Variants in HDAC9 observed in about 807,000 individuals in gnomAD.
HDAC9 encodes the protein MEF-2 interacting transcription repressor (MITR) protein.
HDAC9 carries 41 observed loss-of-function variants against 139.4 expected under a neutral mutation model. The ratio of observed to expected loss-of-function variants is 0.29; its 90% confidence interval spans 0.23 to 0.38. The LOEUF (loss-of-function observed/expected upper bound fraction) is 0.38. Ranked by LOEUF, HDAC9 falls within the 10% of genes least tolerant of loss-of-function variation. The probability of loss-of-function intolerance (pLI) is 1.00; values close to 1 mark genes in which losing one functional copy is unlikely to be tolerated. For synonymous variants in HDAC9, 517 were observed against 476.2 expected, an observed-to-expected ratio of 1.09 and a Z score of -1.12; for missense variants, 1,147 against 1,297.0, an observed-to-expected ratio of 0.88 and a Z score of 1.78.
intron 2 of HDAC9, among the ~76,000 whole-genome samples, chr7:18,189,918 GTGGT>G (rs145492918): frequency 6.1e-4 from 86 of 141,842 alleles, no homozygotes; most frequent in Non-Finnish European, 7.7e-4. Flanking sequence ...TAACTTGTGT[GTGGT>G]GTGTGTGTGT....
chr7:18,339,619 A>G (rs7804432), intron 1 of HDAC9, among the ~76,000 whole-genome samples: 2,454 of 151,544 alleles, frequency 0.016, 67 homozygotes, highest in African/African-American at 0.056. Flanking sequence ...AAAATAACAT[A>G]TTTCCTATTT....
intron 2 of HDAC9, among the ~76,000 whole-genome samples, chr7:18,174,790 AAC>A (rs1362570308): frequency 6.6e-6 from 1 of 152,206 alleles, no homozygotes; most frequent in Non-Finnish European, 1.5e-5. Context: ...GAGGCTGCAG[AAC>A]AGCAAATATT....
intron 22 of HDAC9, among the ~76,000 whole-genome samples, chr7:18,902,765 G>A (rs1270783056): frequency 1.3e-5 from 2 of 152,064 alleles, no homozygotes; most frequent in African/African-American, 4.8e-5. Flanking sequence ...GAACACTTTT[G>A]ATTTTAATAT....
chr7:18,418,115 C>T (rs144685785), intron 1 of HDAC9, among the ~76,000 whole-genome samples: 1 of 152,260 alleles, frequency 6.6e-6, no homozygotes, highest in East Asian at 1.9e-4. Flanking sequence ...TTTGATGGCT[C>T]AAGTCTAGAA....
At chr7:18,447,584 C>T (rs1792411610) in intron 1 of HDAC9, among the ~76,000 whole-genome samples, 1 of 152,158 alleles carries the variant, frequency 6.6e-6, no homozygotes, top group Non-Finnish European at 1.5e-5. Flanking sequence ...TGATCTTAGT[C>T]ATGCAAATTT....
intron 2 of HDAC9, among the ~76,000 whole-genome samples, chr7:18,279,618 A>G (rs1319111796): frequency 1.3e-5 from 2 of 151,924 alleles, no homozygotes; most frequent in Admixed American, 1.3e-4. Context: ...GGCGCCCGCC[A>G]CCACAGCTGG....
intron 22 of HDAC9, among the ~76,000 whole-genome samples, chr7:18,878,971 CA>C (rs1799527049): frequency 6.6e-6 from 1 of 152,152 alleles, no homozygotes. Context: ...TTTCAAGATG[CA>C]AAATTAATGC....
intron 13 of HDAC9, among the ~76,000 whole-genome samples, chr7:18,733,659 T>C (rs1360519703): frequency 6.6e-6 from 1 of 151,794 alleles, no homozygotes; most frequent in African/African-American, 2.4e-5. Flanking sequence ...TAATACATAT[T>C]ATTTATGTGT....
chr7:18,701,016 C>G (rs1183351848), intron 12 of HDAC9, among the ~76,000 whole-genome samples: 2 of 152,118 alleles, frequency 1.3e-5, no homozygotes, highest in African/African-American at 4.8e-5. Context: ...CACTTTCTTC[C>G]TAGTTTCTGA....
At chr7:18,784,975 CTGTGTGTGCA>C (rs1486544883) in intron 16 of HDAC9, among the ~76,000 whole-genome samples, 1 of 11,934 alleles carries the variant, frequency 8.4e-5, no homozygotes, top group Non-Finnish European at 2.6e-4. Flanking sequence ...GTGTGTGTGT[CTGTGTGTGCA>C]TGTGTGTGTT....
Position 18,176,773 on chromosome 7 carries a change from T to A in HDAC9, c.25+14424T>A, listed in dbSNP as rs370184107. On this transcript the variant is annotated intron_variant, in intron 2 of 12. Coordinates refer to the HDAC9 transcript ENST00000417496. ...TTTGGATAATTTTTATGTTATTTTT[T>A]AATGCATTTTTATCCTTTTGTCTGT... Among the ~76,000 whole-genome samples the A allele has an allele frequency of 3.0e-3, 456 of 152,334 alleles. 2 individuals are homozygous for A. Among genetic ancestry groups the A allele is most frequent in the African/African-American group, 0.01 (420 of 41,572 alleles).
intron 12 of HDAC9, among the ~76,000 whole-genome samples, chr7:18,675,970 C>G (rs1018092220): frequency 7.9e-5 from 12 of 151,990 alleles, no homozygotes; most frequent in Admixed American, 7.2e-4. Context: ...TAAAACAACT[C>G]TAGGTGTGAA....
chr7:18,570,675 G>T (rs1200200679), intron 2 of HDAC9, among the ~76,000 whole-genome samples: 3 of 152,022 alleles, frequency 2.0e-5, no homozygotes, highest in Non-Finnish European at 1.5e-5. Context: ...GCTCCTCTGT[G>T]GCCTCCATTT....
chr7:18,596,344 A>G (rs1440834507), intron 6 of HDAC9, among the ~76,000 whole-genome samples: 1 of 152,124 alleles, frequency 6.6e-6, no homozygotes, highest in African/African-American at 2.4e-5. Context: ...TCTATCTAAA[A>G]TACTTAGAGA....
intron 1 of HDAC9, among the ~76,000 whole-genome samples, chr7:18,454,495 G>A (rs1021110162): frequency 7.9e-5 from 12 of 151,970 alleles, no homozygotes; most frequent in African/African-American, 2.9e-4. Context: ...AGTGGAGTTG[G>A]AAGTCAAACC....
chr7:18,168,273 C>T (rs1414159898), intron 2 of HDAC9, among the ~76,000 whole-genome samples: 1 of 152,050 alleles, frequency 6.6e-6, no homozygotes, highest in Non-Finnish European at 1.5e-5. Flanking sequence ...TTCTTTATTG[C>T]ATTTTGGGGT....
intron 6 of HDAC9, among the ~76,000 whole-genome samples, chr7:18,598,471 T>C (rs1327025317): frequency 2.0e-5 from 3 of 152,190 alleles, no homozygotes; most frequent in African/African-American, 7.2e-5. Context: ...CTTGGAAATT[T>C]GGGTCCTCAA....
intron 2 of HDAC9, among the ~76,000 whole-genome samples, chr7:18,501,182 C>A (rs1214908506): frequency 6.6e-6 from 1 of 151,880 alleles, no homozygotes; most frequent in African/African-American, 2.4e-5. Flanking sequence ...ATCAAAGTAA[C>A]GAGGGAACAC....
chr7:18,222,147 T>TA (rs142476417), intron 2 of HDAC9, among the ~76,000 whole-genome samples: 14,379 of 152,202 alleles, frequency 0.094, 1,353 homozygotes, highest in African/African-American at 0.25. Flanking sequence ...GTTTCTAAAT[T>TA]ATAAAACACA....
Sources: gnomAD v4.1 joint callset for allele counts (sites outside exome capture counted in the v4.1 genomes callset) on GRCh38, gnomAD v4.1.1 for gene constraint, MANE v1.5 for transcripts, NCBI Gene and HGNC (gene_info 2026-07-23, HGNC 2026-07-21) for gene names.